Variants in TMEM132D observed in about 807,000 individuals in gnomAD.
TMEM132D encodes the protein transmembrane protein 132D.
In TMEM132D, 21 loss-of-function variants were observed where a neutral mutation model predicts 62.3. That is an observed-to-expected ratio of 0.34 (90% CI 0.24 to 0.49). The LOEUF (loss-of-function observed/expected upper bound fraction) is 0.49, where lower values mean the gene tolerates loss of function less well. Among genes scored for constraint, TMEM132D ranks in the 20% least tolerant of loss-of-function variants. TMEM132D has a pLI of 0.99. For missense variants in TMEM132D, 1,346 were observed against 1,402.8 expected, an observed-to-expected ratio of 0.96 and a Z score of 0.65; for synonymous variants, 621 against 575.6, an observed-to-expected ratio of 1.08 and a Z score of -1.13.
intron 6 of TMEM132D, among the ~76,000 whole-genome samples, chr12:129,083,408 G>A (rs1874514874): frequency 6.6e-6 from 1 of 152,224 alleles, no homozygotes. Flanking sequence ...ATGCACTGCA[G>A]TGAGACTCAG....
intron 5 of TMEM132D, chr12:129,110,628 A>C (rs1306814615): frequency 1.3e-5 from 2 of 152,196 alleles, no homozygotes; most frequent in Non-Finnish European, 2.9e-5. Flanking sequence ...TGAGGTGCAT[A>C]AGTAAGGAGA....
intron 3 of TMEM132D, among the ~76,000 whole-genome samples, chr12:129,434,300 CG>C (rs1376964816): frequency 6.6e-6 from 1 of 152,046 alleles, no homozygotes; most frequent in Admixed American, 6.5e-5. Context: ...CATCAGGTAA[CG>C]GATGAGAACA....
At chr12:129,256,325 T>G (rs1880397608) in intron 4 of TMEM132D, among the ~76,000 whole-genome samples, 1 of 152,248 alleles carries the variant, frequency 6.6e-6, no homozygotes, top group Non-Finnish European at 1.5e-5. Context: ...AGTGGCGGAA[T>G]GACATGGTGG....
At chr12:129,321,610 G>A (rs1868709943) in intron 4 of TMEM132D, among the ~76,000 whole-genome samples, 1 of 151,786 alleles carries the variant, frequency 6.6e-6, no homozygotes, top group South Asian at 2.1e-4. Context: ...AGGCTGGAGT[G>A]CAGTGGCGCG....
intron 2 of TMEM132D, among the ~76,000 whole-genome samples, chr12:129,660,912 G>A (rs935921464): frequency 2.0e-5 from 3 of 152,158 alleles, no homozygotes; most frequent in African/African-American, 7.2e-5. Flanking sequence ...ACAGGAGTGA[G>A]GCAGAAGGTA....
chr12:129,641,802 G>A (rs1044081520), intron 2 of TMEM132D, among the ~76,000 whole-genome samples: 14 of 152,210 alleles, frequency 9.2e-5, no homozygotes, highest in African/African-American at 2.6e-4. Context: ...AGATGAGTTC[G>A]ACCAGCTTGG....
chr12:129,541,666 C>A (rs752908374), intron 2 of TMEM132D, among the ~76,000 whole-genome samples: 2 of 152,156 alleles, frequency 1.3e-5, no homozygotes, highest in South Asian at 4.1e-4. Context: ...TGGGATGTGG[C>A]GGCCTCATTC....
intron 4 of TMEM132D, among the ~76,000 whole-genome samples, chr12:129,308,877 G>C (rs2135633342): frequency 6.6e-6 from 1 of 152,266 alleles, no homozygotes; most frequent in East Asian, 1.9e-4. Context: ...AGCTGCAGAT[G>C]GATATTGATC....
At chr12:129,797,786 G>A (rs994006650) in intron 1 of TMEM132D, among the ~76,000 whole-genome samples, 3 of 152,194 alleles carry the variant, frequency 2.0e-5, no homozygotes, top group Admixed American at 2.0e-4. Flanking sequence ...CACCTAGATG[G>A]CTAAGAATAT....
intron 4 of TMEM132D, among the ~76,000 whole-genome samples, chr12:129,316,986 C>T (rs1868508555): frequency 6.6e-6 from 1 of 152,054 alleles, no homozygotes; most frequent in Non-Finnish European, 1.5e-5. Context: ...CTTTTGGTGT[C>T]CATTCGTATG....
At chr12:129,281,591 C>T (rs1881154265) in intron 4 of TMEM132D, among the ~76,000 whole-genome samples, 1 of 151,934 alleles carries the variant, frequency 6.6e-6, no homozygotes, top group African/African-American at 2.4e-5. Flanking sequence ...ACATCATAAA[C>T]TCATGGAGAC....
In TMEM132D at chr12:129,387,067, A is replaced by G. The variant is rs1456965809; in HGVS notation, c.1116-49250T>C. Among the ~76,000 whole-genome samples, 3 of 151,962 alleles carry G rather than the reference A, an allele frequency of 2.0e-5. No individual in the cohort carries two copies. In the East Asian group the frequency reaches 5.8e-4, roughly 29 times the overall value. On this transcript the variant is annotated intron_variant, in intron 3 of 8. Coordinates refer to ENST00000422113, the MANE Select transcript of TMEM132D (RefSeq NM_133448.3). ...ATGTGCCAACACTAAGACAAACACC[A>G]AACACCAACACGAACACTAACACCA... is the stretch of plus-strand genomic sequence containing the variant.
chr12:129,229,364 C>T (rs932399498), intron 4 of TMEM132D, among the ~76,000 whole-genome samples: 5 of 152,254 alleles, frequency 3.3e-5, no homozygotes, highest in Admixed American at 6.5e-5. Context: ...TTTTAAGAAA[C>T]GTACACTTCA....
intron 3 of TMEM132D, among the ~76,000 whole-genome samples, chr12:129,442,168 C>T (rs73422591): frequency 0.054 from 8,282 of 152,252 alleles, 744 homozygotes; most frequent in African/African-American, 0.19. Flanking sequence ...AAGCCTGCAA[C>T]GCTTGTCTTT....
chr12:129,430,951 C>A (rs746242182), intron 3 of TMEM132D, among the ~76,000 whole-genome samples: 1 of 152,226 alleles, frequency 6.6e-6, no homozygotes, highest in South Asian at 2.1e-4. Context: ...TCTGTCTGGG[C>A]TTCCAGGCGC....
intron 1 of TMEM132D, among the ~76,000 whole-genome samples, chr12:129,839,721 C>A (rs1431079524): frequency 6.6e-6 from 1 of 152,198 alleles, no homozygotes; most frequent in African/African-American, 2.4e-5. Flanking sequence ...AAACACTGAA[C>A]CAGTCCATAG....
chr12:129,677,831 C>CT (rs869098260), intron 2 of TMEM132D, among the ~76,000 whole-genome samples: 3,796 of 117,582 alleles, frequency 0.032, 55 homozygotes, highest in Non-Finnish European at 0.044. Flanking sequence ...GTGATTTTGT[C>CT]TTTTTTTTTT....
At chr12:129,134,443 CTTCT>C (rs1249281721) in intron 5 of TMEM132D, among the ~76,000 whole-genome samples, 4 of 152,094 alleles carry the variant, frequency 2.6e-5, no homozygotes, top group Non-Finnish European at 5.9e-5. Flanking sequence ...GCTGGCTCTT[CTTCT>C]TTCTTATGTC....
intron 5 of TMEM132D, among the ~76,000 whole-genome samples, chr12:129,107,588 T>C (rs919688397): frequency 3.3e-5 from 5 of 152,126 alleles, no homozygotes; most frequent in African/African-American, 1.2e-4. Context: ...TAACCCTGAG[T>C]TTACATTTGT....
Sources: allele counts gnomAD v4.1 joint callset (sites outside exome capture counted in the v4.1 genomes callset), GRCh38; gene constraint gnomAD v4.1.1; transcripts MANE v1.5; gene names NCBI Gene and HGNC (gene_info 2026-07-23, HGNC 2026-07-21).